Variants in SMCHD1 observed in about 807,000 individuals in gnomAD.
SMCHD1 encodes structural maintenance of chromosomes flexible hinge domain containing 1.
A neutral mutation model predicts 254.7 loss-of-function variants in SMCHD1; 78 were observed. The observed-to-expected ratio is 0.31, with a 90% CI of 0.26 to 0.37. The LOEUF (loss-of-function observed/expected upper bound fraction) is 0.37. Ranked by LOEUF, SMCHD1 falls within the 10% of genes least tolerant of loss-of-function variation. The pLI, the probability that SMCHD1 is intolerant of heterozygous loss-of-function variation, is 1.00. For synonymous variants in SMCHD1, 766 were observed against 794.9 expected (o/e 0.96, Z 0.61); for missense variants, 1,840 against 2,408.1 (o/e 0.76, Z 4.94).
chr18:2,744,893 G>T (rs1214076673), intron 29 of SMCHD1, among the ~76,000 whole-genome samples: 1 of 152,144 alleles, frequency 6.6e-6, no homozygotes, highest in Non-Finnish European at 1.5e-5. Flanking sequence ...CTGGCGTGTG[G>T]AATGCATTGG....
chr18:2,718,128 A>T lies in SMCHD1; in HGVS notation c.2261-30A>T. On this transcript the variant is annotated intron_variant, in intron 17 of 47. Coordinates refer to ENST00000320876, the MANE Select transcript of SMCHD1 (RefSeq NM_015295.3). The surrounding 1 kb of genome is among the most constrained non-coding windows in gnomAD (Gnocchi z 4.6). ...CATGTTTTACGTTGAATTTCTCAAG[A>T]CACTATTGTTTCTTTTTTCTTTTAT... The T allele has an allele frequency of 1.3e-6, 2 of 1,529,394 alleles. No homozygotes were observed. Among genetic ancestry groups the T allele is most frequent in the South Asian group, 2.3e-5 (2 of 86,688 alleles). The allele number at this position is 1,529,394 out of a possible 1,614,324, so 94.7% of individuals were successfully genotyped here.
Position 2,743,820 on chromosome 18 carries a change from T to A in SMCHD1, c.3693T>A (p.Asn1231Lys), listed in dbSNP as rs772276172. Reference protein sequence around the residue: ...GIKFIPGPPGNKDLCFTWREF... With the variant: ...GIKFIPGPPGKKDLCFTWREF... Reference sequence around the variant, plus strand: ...AATTTATTCCAGGTCCTCCTGGAAATAAGGATCTTTGTTTTACTTGGCGTG... The same window carrying A: ...AATTTATTCCAGGTCCTCCTGGAAAAAAGGATCTTTGTTTTACTTGGCGTG... Residue 1231 changes from asparagine (N) to lysine (K), a missense_variant, in exon 29 of 48, where the codon AAT becomes AAA. Coordinates refer to ENST00000320876, the MANE Select transcript of SMCHD1 (RefSeq NM_015295.3). 15 of 1,613,198 alleles carry A rather than the reference T, an allele frequency of 9.3e-6. No homozygotes were observed. In the South Asian group the frequency reaches 1.6e-4, roughly 18 times the overall value.
chr18:2,708,175 A>G (rs1394083782), intron 17 of SMCHD1, among the ~76,000 whole-genome samples: 2 of 152,218 alleles, frequency 1.3e-5, no homozygotes, highest in African/African-American at 2.4e-5. Context: ...ACATATATGT[A>G]GAAGAATTTG....
chr18:2,662,011 T>A (rs1478241851), intron 1 of SMCHD1, among the ~76,000 whole-genome samples: 1 of 134,578 alleles, frequency 7.4e-6, no homozygotes, highest in African/African-American at 3.3e-5. Flanking sequence ...TACAAAAAAT[T>A]AGCCGGGCGC....
At chr18:2,656,358 C>G (rs2073056483) in intron 1 of SMCHD1, 97 bp downstream of exon 1, 2 of 1,111,072 alleles carry the variant, frequency 1.8e-6, no homozygotes, top group Non-Finnish European at 2.3e-6. Flanking sequence ...AAACCTGTCA[C>G]CCGGTCCCGG....
chr18:2,722,732 CA>C, intron 20 of SMCHD1, 69 bp downstream of exon 20: 3 of 1,400,632 alleles, frequency 2.1e-6, no homozygotes, highest in South Asian at 1.5e-5. Flanking sequence ...TTTTCAGCTT[CA>C]TTTTTTTTGT....
At position 2,673,371 on chromosome 18, in the gene SMCHD1, A is replaced by G. The variant is rs1379696376; in HGVS notation, c.507+8A>G. On this transcript the variant is annotated splice_region_variant and intron_variant, in intron 4 of 47. Transcript: ENST00000320876. ...AGAATACAGATCAAATTGGTAAGGA[A>G]ATAATACTGTAAAGCAATTTAACTT... is the stretch of plus-strand genomic sequence containing the variant. 3 of 1,481,152 alleles carry G rather than the reference A, an allele frequency of 2.0e-6. No individual in the cohort carries two copies. Among genetic ancestry groups the G allele is most frequent in the Non-Finnish European group, 2.7e-6 (3 of 1,097,626 alleles). 91.8% of individuals were successfully genotyped at this position (1,481,152 alleles called of 1,614,324 possible). A position where few individuals can be genotyped will look rare whatever the true frequency, so the allele number is the denominator to read the frequency against.
At position 2,664,818 on chromosome 18, in the gene SMCHD1, A is replaced by G. The variant is rs527371707; in HGVS notation, c.187-1339A>G. 7.9e-5 allele frequency among the ~76,000 whole-genome samples: 12 copies of G among 152,330 alleles called. No homozygotes were observed. In the South Asian group the frequency reaches 1.0e-3, roughly 13 times the overall value. The stretch of plus-strand genomic sequence containing the variant: ...ATTAGCTGGAATTCTTTAAGGAACA[A>G]CTTTGCCTCATCAGCCAGAGCTATT... On this transcript the variant is annotated intron_variant, in intron 1 of 47. Transcript: ENST00000320876.
At chr18:2,690,273 A>T (rs1388937453) in intron 7 of SMCHD1, among the ~76,000 whole-genome samples, 2 of 152,170 alleles carry the variant, frequency 1.3e-5, no homozygotes, top group African/African-American at 4.8e-5. Flanking sequence ...TTTGATACAC[A>T]ATGGTTTTTA....
intron 37 of SMCHD1, among the ~76,000 whole-genome samples, chr18:2,768,597 GTAGTA>G (rs888592029): frequency 2.3e-5 from 3 of 132,630 alleles, no homozygotes; most frequent in East Asian, 4.1e-4. Context: ...CAATGAATGA[GTAGTA>G]TAGTATAGTG....
intron 17 of SMCHD1, among the ~76,000 whole-genome samples, chr18:2,708,878 A>ATGTG (rs1326468644): frequency 1.8e-5 from 1 of 56,764 alleles, no homozygotes; most frequent in African/African-American, 9.9e-5. Context: ...ATATATATAT[A>ATGTG]TATATATATA....
intron 44 of SMCHD1, among the ~76,000 whole-genome samples, chr18:2,780,178 G>A (rs1230676681): frequency 6.9e-6 from 1 of 145,010 alleles, no homozygotes; most frequent in Non-Finnish European, 1.5e-5. Flanking sequence ...GGTGGAGGTT[G>A]CAGTGAGCTG....
intron 34 of SMCHD1, among the ~76,000 whole-genome samples, chr18:2,753,904 G>A (rs891588257): frequency 6.6e-6 from 1 of 152,142 alleles, no homozygotes; most frequent in Admixed American, 6.5e-5. Context: ...TCTTCTGGTG[G>A]ACATGTAATA....
intron 25 of SMCHD1, among the ~76,000 whole-genome samples, chr18:2,737,186 CAT>C (rs1015102769): frequency 6.6e-6 from 1 of 152,012 alleles, no homozygotes; most frequent in African/African-American, 2.4e-5. Flanking sequence ...TACACATGGA[CAT>C]AAAAATATAG....
At chr18:2,708,915 T>TATATAAAC (rs1568199419) in intron 17 of SMCHD1, among the ~76,000 whole-genome samples, 1 of 90,454 alleles carries the variant, frequency 1.1e-5, no homozygotes, top group African/African-American at 4.2e-5. Context: ...TATAACATAT[T>TATATAAAC]AACATGAAAT....
intron 45 of SMCHD1, among the ~76,000 whole-genome samples, chr18:2,785,764 C>T (rs2076230207): frequency 6.6e-6 from 1 of 150,392 alleles, no homozygotes; most frequent in Non-Finnish European, 1.5e-5. Flanking sequence ...TATAAACTCT[C>T]CATTGTCCAT....
chr18:2,769,480 G>A (rs1276080893), intron 37 of SMCHD1, among the ~76,000 whole-genome samples: 6 of 151,994 alleles, frequency 3.9e-5, no homozygotes, highest in Non-Finnish European at 5.9e-5. Context: ...CGATCATTTG[G>A]CTTTCAAACC....
At chr18:2,692,771 T>A (rs1199684853) in intron 7 of SMCHD1, among the ~76,000 whole-genome samples, 2 of 152,230 alleles carry the variant, frequency 1.3e-5, no homozygotes, top group East Asian at 3.8e-4. Flanking sequence ...TCTTCATACA[T>A]AATAGCATAT....
At chr18:2,794,318 A>G (rs925953815) in intron 45 of SMCHD1, among the ~76,000 whole-genome samples, 1 of 151,932 alleles carries the variant, frequency 6.6e-6, no homozygotes, top group Non-Finnish European at 1.5e-5. Context: ...GCATAGTGAA[A>G]CCCCGTCTCT....
Sources: allele counts gnomAD v4.1 joint callset (sites outside exome capture counted in the v4.1 genomes callset), GRCh38; gene constraint gnomAD v4.1.1; non-coding constraint Gnocchi (gnomAD v3.1); transcripts MANE v1.5; gene names NCBI Gene and HGNC (gene_info 2026-07-23, HGNC 2026-07-21).